The following ARHGDIB variants were observed in gnomAD, a reference collection of about 807,000 sequenced individuals.
The protein encoded by ARHGDIB is rho GDP-dissociation inhibitor 2.
ARHGDIB carries 20 observed loss-of-function variants against 22.6 expected under a neutral mutation model. The ratio of observed to expected loss-of-function variants is 0.88; its 90% CI spans 0.62 to 1.28. The LOEUF is 1.28. Among genes scored for constraint, ARHGDIB ranks in the 50% most tolerant of loss-of-function variants. The probability of loss-of-function intolerance (pLI) is 0.00; values close to 1 mark genes in which losing one functional copy is unlikely to be tolerated. For synonymous variants in ARHGDIB, 114 were observed against 96.1 expected (o/e 1.19, Z -1.09); for missense variants, 254 against 245.4 (o/e 1.04, Z -0.23).
rs71926892 is a variant in ARHGDIB, at chr12:14,948,100, G to GCGCGCGCCCACA, written c.266-152_266-151insTGTGGGCGCGCG. 106 of 437,526 alleles carry GCGCGCGCCCACA rather than the reference G, an allele frequency of 2.4e-4. 1 individual carries two copies. Among genetic ancestry groups the GCGCGCGCCCACA allele is most frequent in the African/African-American group, 2.1e-3 (102 of 47,450 alleles). The allele number at this position is 437,526 out of a possible 1,614,324, so 27.1% of individuals were successfully genotyped here. A position where few individuals can be genotyped will look rare whatever the true frequency, so the allele number is the denominator to read the frequency against. ...CACAGAGTATTTGAGTTTAGTCCTTGCACACACACACACACACACACACAC... is the reference window on the plus strand; with the variant it reads ...CACAGAGTATTTGAGTTTAGTCCTTGCGCGCGCCCACACACACACACACACACACACACACAC... On this transcript the variant is annotated intron_variant, in intron 3 of 5. Coordinates refer to ENST00000228945, the MANE Select transcript of ARHGDIB (RefSeq NM_001175.7).
intron 1 of ARHGDIB, among the ~76,000 whole-genome samples, chr12:14,957,018 G>C (rs528462498): frequency 5.3e-5 from 8 of 152,164 alleles, no homozygotes; most frequent in Non-Finnish European, 1.2e-4. Flanking sequence ...AGCTCTAAAT[G>C]AACTGAGGAC....
rs1033489286 is a variant in ARHGDIB, at chr12:14,942,265, G to A, written c.*257C>T. 7.5e-5 allele frequency: 37 copies of A among 492,650 alleles called. No homozygotes were observed. The highest frequency in any genetic ancestry group is 9.9e-5 in the Admixed American group (3 of 30,344). The allele number at this position is 492,650 out of a possible 1,614,324, so 30.5% of individuals were successfully genotyped here. A position where few individuals can be genotyped will look rare whatever the true frequency, so the allele number is the denominator to read the frequency against. ...GGGGTAAGACAGGGAAATATTAAAT[G>A]ATTGTGTACTGAGATGGAGACGTGG... On this transcript the variant is annotated 3_prime_UTR_variant, in exon 6 of 6. Coordinates refer to ENST00000228945, the MANE Select transcript of ARHGDIB (RefSeq NM_001175.7).
At position 14,958,924 on chromosome 12, in the gene ARHGDIB, C is replaced by T. The variant is rs1006647425; in HGVS notation, c.-13+2613G>A. On this transcript the variant is annotated intron_variant, in intron 1 of 5. Transcript: ENST00000228945. ...TCATCTCTGGGTATGCCAGTGTAGCCTTGAATACAGGATCCCGGGCAGCAA... is the reference window on the plus strand; with the variant it reads ...TCATCTCTGGGTATGCCAGTGTAGCTTTGAATACAGGATCCCGGGCAGCAA... 2.0e-5 allele frequency among the ~76,000 whole-genome samples: 3 copies of T among 152,148 alleles called. No homozygotes were observed. The East Asian group carries it at 5.8e-4, about 29-fold the overall frequency.
chr12:14,942,777 C>T (rs1565457652), intron 5 of ARHGDIB, 56 bp from the exon 6 acceptor site: 1 of 1,463,510 alleles, frequency 6.8e-7, no homozygotes, highest in African/African-American at 1.4e-5. Context: ...AAAACATACA[C>T]TGCAAACTGG....
Position 14,942,435 on chromosome 12 carries a change from G to T in ARHGDIB, c.*87C>A. ...TGTGGCAGTGTTGAAGAGGGACCCA[G>T]CTGTGGACAGGGAGGAGGGACAGGG... is the stretch of plus-strand genomic sequence containing the variant. On this transcript the variant is annotated 3_prime_UTR_variant, in exon 6 of 6. Coordinates refer to ENST00000228945, the MANE Select transcript of ARHGDIB (RefSeq NM_001175.7). The T allele has an allele frequency of 7.0e-7, 1 of 1,420,634 alleles. No individual in the cohort carries two copies. The allele number at this position is 1,420,634 out of a possible 1,614,324, so 88.0% of individuals were successfully genotyped here.
chr12:14,942,720 C>G lies in ARHGDIB; in HGVS notation c.408G>C (p.Val136=), dbSNP rs1289712089. ...TGCCAACCATAAATGTTGCTTTATC[C>G]ACTAAGAAGAAAGAAGAGTTCATTA... ...VQHTYRTGVK[V]DKATFMVGSY... Residue 136 remains valine, a splice_region_variant and synonymous_variant, in exon 6 of 6, where the codon GTG becomes GTC. Transcript: ENST00000228945. 6.2e-7 allele frequency: 1 copy of G among 1,613,668 alleles called. No homozygotes were observed. The highest frequency in any genetic ancestry group is 8.5e-7 in the Non-Finnish European group (1 of 1,179,936).
intron 5 of ARHGDIB, among the ~76,000 whole-genome samples, chr12:14,943,068 A>G (rs1863912207): frequency 6.6e-6 from 1 of 152,078 alleles, no homozygotes; most frequent in Non-Finnish European, 1.5e-5. Flanking sequence ...GGGTTTCTCC[A>G]TGTTGGTCAG....
chr12:14,943,631 A>G (rs147520171), intron 5 of ARHGDIB, among the ~76,000 whole-genome samples: 1 of 152,280 alleles, frequency 6.6e-6, no homozygotes, highest in Non-Finnish European at 1.5e-5. Context: ...GAATTCATGG[A>G]TAGAATAACT....
At chr12:14,948,039 CCCA>C in intron 3 of ARHGDIB, 90 bp from the exon 4 acceptor site, 1 of 996,450 alleles carries the variant, frequency 1.0e-6, no homozygotes, top group Non-Finnish European at 1.6e-6. Context: ...ATTTGTTGGG[CCCA>C]CGAGGGCAAC....
At chr12:14,959,018 C>G (rs1169621476) in intron 1 of ARHGDIB, among the ~76,000 whole-genome samples, 2 of 152,112 alleles carry the variant, frequency 1.3e-5, no homozygotes, top group Non-Finnish European at 2.9e-5. Context: ...GTGATTCTTC[C>G]TAAAGAATGT....
intron 1 of ARHGDIB, 69 bp from the exon 2 acceptor site, chr12:14,950,793 T>C: frequency 7.6e-7 from 1 of 1,308,258 alleles, no homozygotes; most frequent in Non-Finnish European, 1.0e-6. Context: ...GGGGCTGCTG[T>C]TAGCAGCCTC....
At chr12:14,952,875 T>C (rs1864212248) in intron 1 of ARHGDIB, among the ~76,000 whole-genome samples, 1 of 152,176 alleles carries the variant, frequency 6.6e-6, no homozygotes, top group Non-Finnish European at 1.5e-5. Context: ...CATCAGATGG[T>C]AACATTACAT....
Position 14,949,166 on chromosome 12 carries a change from T to G in ARHGDIB, c.265+636A>C, listed in dbSNP as rs116803307. Reference sequence around the variant, plus strand: ...CTGGCTCCGTGCTTCTCCTCTCATATCCCCTCTGATGCCCATTTCCTCCAC... The same window carrying G: ...CTGGCTCCGTGCTTCTCCTCTCATAGCCCCTCTGATGCCCATTTCCTCCAC... On this transcript the variant is annotated intron_variant, in intron 3 of 5. Transcript: ENST00000228945. Among the ~76,000 whole-genome samples, 1,203 of 152,116 alleles carry G rather than the reference T, an allele frequency of 7.9e-3. 12 individuals are homozygous for G. The highest frequency in any genetic ancestry group is 0.025 in the African/African-American group (1,054 of 41,468).
At chr12:14,948,055 G>T in intron 3 of ARHGDIB, 106 bp from the exon 4 acceptor site, 14 of 725,568 alleles carry the variant, frequency 1.9e-5, no homozygotes, top group Non-Finnish European at 2.2e-5. Context: ...AGGGCAACAT[G>T]GTTCACAGGG....
At chr12:14,955,357 G>A (rs1237079595) in intron 1 of ARHGDIB, among the ~76,000 whole-genome samples, 1 of 152,126 alleles carries the variant, frequency 6.6e-6, no homozygotes, top group Non-Finnish European at 1.5e-5. Context: ...TAATGGTCTG[G>A]ATTCTAAAAA....
chr12:14,948,099 T>A, intron 3 of ARHGDIB, 150 bp from the exon 4 acceptor site: 3 of 309,766 alleles, frequency 9.7e-6, no homozygotes, highest in Non-Finnish European at 1.8e-5. Context: ...GTTTAGTCCT[T>A]GCACACACAC....
intron 4 of ARHGDIB, among the ~76,000 whole-genome samples, chr12:14,946,319 C>G (rs1485510400): frequency 6.6e-6 from 1 of 152,126 alleles, no homozygotes; most frequent in Non-Finnish European, 1.5e-5. Context: ...TTAGAAAGTG[C>G]TAAGAAGTTT....
intron 2 of ARHGDIB, among the ~76,000 whole-genome samples, chr12:14,950,182 C>T (rs1010071358): frequency 6.6e-6 from 1 of 151,922 alleles, no homozygotes; most frequent in Non-Finnish European, 1.5e-5. Context: ...TATCTCTGGG[C>T]CATGTCTTGT....
In ARHGDIB at chr12:14,947,273, T is replaced by G. The variant is rs536415089; in HGVS notation, c.342+600A>C. Among the ~76,000 whole-genome samples, 92 of 152,358 alleles carry G rather than the reference T, an allele frequency of 6.0e-4. 1 individual carries two copies. The highest frequency in any genetic ancestry group is 6.0e-4 in the Non-Finnish European group (41 of 68,038). ...ATATGGCTCATTGGGATATATTAGA[T>G]GTCAGTTTATTTCTTATTTAGTTTC... On this transcript the variant is annotated intron_variant, in intron 4 of 5. Coordinates refer to ENST00000228945, the MANE Select transcript of ARHGDIB (RefSeq NM_001175.7).
Sources: gnomAD v4.1 joint callset for allele counts (sites outside exome capture counted in the v4.1 genomes callset) on GRCh38, gnomAD v4.1.1 for gene constraint, MANE v1.5 for transcripts, NCBI Gene and HGNC (gene_info 2026-07-23, HGNC 2026-07-21) for gene names.